Variants in TAOK1 observed in about 807,000 individuals in gnomAD.
TAOK1 encodes the protein serine/threonine-protein kinase TAO1.
A neutral mutation model predicts 138.3 loss-of-function variants in TAOK1; 21 were observed. The observed-to-expected ratio is 0.15, with a 90% CI of 0.11 to 0.22. The LOEUF is 0.22. Ranked by LOEUF, TAOK1 falls within the 10% of genes least tolerant of loss-of-function variation. TAOK1 has a pLI of 1.00. For missense variants in TAOK1, 651 were observed against 1,227.7 expected, an observed-to-expected ratio of 0.53 and a Z score of 7.02; for synonymous variants, 361 against 398.4, an observed-to-expected ratio of 0.91 and a Z score of 1.12.
chr17:29,424,048 CAAA>C (rs34530466), intron 1 of TAOK1, among the ~76,000 whole-genome samples: 151 of 112,836 alleles, frequency 1.3e-3, no homozygotes, highest in East Asian at 4.2e-3. Flanking sequence ...GACCCTGTCT[CAAA>C]AAAAAAAAAA....
At chr17:29,480,783 T>C (rs1015750431) in intron 7 of TAOK1, among the ~76,000 whole-genome samples, 2 of 145,622 alleles carry the variant, frequency 1.4e-5, no homozygotes, top group African/African-American at 5.2e-5. Context: ...GGTAGGAGAA[T>C]CACTTGAACC....
At chr17:29,455,829 C>G (rs986766838) in intron 2 of TAOK1, among the ~76,000 whole-genome samples, 1 of 149,930 alleles carries the variant, frequency 6.7e-6, no homozygotes, top group Admixed American at 6.6e-5. Context: ...AACTTCATCA[C>G]GGTTTGTAAT....
intron 17 of TAOK1, among the ~76,000 whole-genome samples, chr17:29,526,867 G>A (rs145740315): frequency 0.037 from 5,327 of 145,054 alleles, 349 homozygotes; most frequent in African/African-American, 0.13. Context: ...AGTGGCTCAC[G>A]GCTGCAATCC....
chr17:29,487,124 C>G (rs1264394429), intron 8 of TAOK1, among the ~76,000 whole-genome samples: 1 of 151,970 alleles, frequency 6.6e-6, no homozygotes, highest in Admixed American at 6.6e-5. Flanking sequence ...TGGCCCATGC[C>G]TGTAGTCCCA....
At chr17:29,414,340 C>T (rs1378258512) in intron 1 of TAOK1, among the ~76,000 whole-genome samples, 1 of 151,358 alleles carries the variant, frequency 6.6e-6, no homozygotes, top group Non-Finnish European at 1.5e-5. Context: ...ACCTCCACCT[C>T]CTGGGTTCAA....
intron 1 of TAOK1, among the ~76,000 whole-genome samples, chr17:29,409,016 G>A (rs1440981882): frequency 6.6e-6 from 1 of 152,034 alleles, no homozygotes; most frequent in African/African-American, 2.4e-5. Context: ...CCAGGCCTCT[G>A]ATGTGATTTC....
In TAOK1 at chr17:29,542,892, G is replaced by A; in HGVS notation, c.2876G>A (p.Ser959Asn). Residue 959 changes from serine to asparagine, a missense_variant, in exon 20 of 20, where the codon AGT becomes AAT. By Grantham distance (46) the Ser-to-Asn change is conservative. Around this residue, in one of 8 missense-constraint regions of TAOK1, gnomAD observed 108 missense variants for 120.3 expected, o/e 0.90. Transcript: ENST00000261716. ...ATGCAAGGGGTACCTCGAGGTAGCA[G>A]TATGGGAGTCCGCAATAGCCCCCAG... ...GPMQGVPRGS[S>N]MGVRNSPQAL... The A allele has an allele frequency of 1.9e-6, 3 of 1,613,980 alleles. No individual in the cohort carries two copies. The highest frequency in any genetic ancestry group is 2.5e-6 in the Non-Finnish European group (3 of 1,179,964).
At chr17:29,435,733 A>G (rs1242428348) in intron 1 of TAOK1, among the ~76,000 whole-genome samples, 1 of 152,268 alleles carries the variant, frequency 6.6e-6, no homozygotes, top group Non-Finnish European at 1.5e-5. Context: ...ATACCCTTCC[A>G]GTAAAAGCCT....
Position 29,502,717 on chromosome 17 carries a change from A to G in TAOK1, c.1332A>G (p.Ala444=), listed in dbSNP as rs766201742. ...NREHFATIRT[A]SLVTRQMQEH... ...AACACTTTGCTACTATACGGACAGC[A>G]TCACTGGTATGTACTTACCCGAATT... Residue 444 remains alanine (A), a synonymous_variant, in exon 13 of 20, where the codon GCA becomes GCG. Coordinates refer to ENST00000261716, the MANE Select transcript of TAOK1 (RefSeq NM_020791.4). The G allele has an allele frequency of 6.2e-7, 1 of 1,613,266 alleles. No individual in the cohort carries two copies. Among genetic ancestry groups the G allele is most frequent in the Non-Finnish European group, 8.5e-7 (1 of 1,179,782 alleles).
intron 19 of TAOK1, among the ~76,000 whole-genome samples, chr17:29,535,212 G>T (rs2032203051): frequency 6.6e-6 from 1 of 152,152 alleles, no homozygotes; most frequent in African/African-American, 2.4e-5. Flanking sequence ...TTGGGAGGCT[G>T]AGGTGGGAAG....
At chr17:29,421,557 C>G (rs901777509) in intron 1 of TAOK1, among the ~76,000 whole-genome samples, 1 of 152,038 alleles carries the variant, frequency 6.6e-6, no homozygotes, top group African/African-American at 2.4e-5. Context: ...TTTCTCTAGG[C>G]AAGGCTTTTA....
At chr17:29,471,512 C>T (rs1033022744) in intron 3 of TAOK1, among the ~76,000 whole-genome samples, 5 of 151,734 alleles carry the variant, frequency 3.3e-5, no homozygotes, top group South Asian at 4.2e-4. Context: ...CTCTTGACCT[C>T]GTGATCCCCC....
chr17:29,440,625 G>C (rs1195377033), intron 1 of TAOK1, among the ~76,000 whole-genome samples: 1 of 151,648 alleles, frequency 6.6e-6, no homozygotes, highest in Non-Finnish European at 1.5e-5. Context: ...GCCCAGGCTG[G>C]AGTGCAGTCA....
chr17:29,420,981 G>T (rs1905424510), intron 1 of TAOK1, among the ~76,000 whole-genome samples: 1 of 152,104 alleles, frequency 6.6e-6, no homozygotes. Context: ...CTAGGCTGGA[G>T]TGCAGTGGCT....
intron 2 of TAOK1, among the ~76,000 whole-genome samples, chr17:29,461,884 G>A (rs1247113644): frequency 2.0e-5 from 3 of 152,102 alleles, no homozygotes; most frequent in Non-Finnish European, 4.4e-5. Flanking sequence ...TTTCTGTTAT[G>A]TTTATTGATG....
At chr17:29,402,263 G>A (rs139068965) in intron 1 of TAOK1, among the ~76,000 whole-genome samples, 2 of 152,236 alleles carry the variant, frequency 1.3e-5, no homozygotes, top group East Asian at 3.9e-4. Flanking sequence ...ATGTGTGAGT[G>A]CAGTTTCTCA....
intron 19 of TAOK1, among the ~76,000 whole-genome samples, chr17:29,537,200 T>C (rs1193346200): frequency 6.6e-6 from 1 of 152,330 alleles, no homozygotes; most frequent in Non-Finnish European, 1.5e-5. Flanking sequence ...CTTAGTCTTA[T>C]TTAATATCCT....
At chr17:29,417,313 C>A (rs112924563) in intron 1 of TAOK1, among the ~76,000 whole-genome samples, 40 of 152,308 alleles carry the variant, frequency 2.6e-4, no homozygotes, top group African/African-American at 9.6e-4. Context: ...CCGCGCCCAG[C>A]CCCTTCCCTC....
At chr17:29,457,549 G>T (rs1176188124) in intron 2 of TAOK1, among the ~76,000 whole-genome samples, 1 of 148,360 alleles carries the variant, frequency 6.7e-6, no homozygotes, top group South Asian at 2.1e-4. Context: ...AAGATTACAG[G>T]TGCGCACCAC....
Sources: gnomAD v4.1 joint callset for allele counts (sites outside exome capture counted in the v4.1 genomes callset) on GRCh38, gnomAD v4.1.1 for gene constraint, gnomAD v4.1.1 regional missense constraint, MANE v1.5 for transcripts, NCBI Gene and HGNC (gene_info 2026-07-23, HGNC 2026-07-21) for gene names.